The following C3 variants were observed in gnomAD, a reference collection of about 807,000 sequenced individuals.
C3 encodes the protein C3 and PZP-like alpha-2-macroglobulin domain-containing protein 1.
Under a neutral mutation model 207.9 loss-of-function variants are expected in C3, and 97 were observed. The observed-to-expected ratio is 0.47, with a 90% CI of 0.40 to 0.55. The LOEUF is 0.55. C3 is among the 20% of genes least tolerant of loss of function. C3 has a pLI of 0.00. For synonymous variants in C3, 848 were observed against 857.6 expected (o/e 0.99, Z 0.20); for missense variants, 1,684 against 2,171.7 (o/e 0.78, Z 4.46).
intron 27 of C3, among the ~76,000 whole-genome samples, chr19:6,687,328 C>T (rs897018270): frequency 1.2e-4 from 18 of 152,168 alleles, no homozygotes; most frequent in South Asian, 2.1e-4. Flanking sequence ...TTCAGTATAC[C>T]ACTGTGAACA....
chr19:6,706,210 C>T (rs936264645), intron 17 of C3, among the ~76,000 whole-genome samples: 2 of 152,246 alleles, frequency 1.3e-5, no homozygotes, highest in African/African-American at 4.8e-5. Context: ...GTGTGACCAG[C>T]CCCATCATCT....
intron 4 of C3, chr19:6,717,802 T>C (rs1392777133): frequency 3.6e-6 from 2 of 552,716 alleles, no homozygotes; most frequent in Non-Finnish European, 6.6e-6. Flanking sequence ...GTGTTGTGTG[T>C]GTTGTGTGGT....
At position 6,702,773 on chromosome 19, in the gene C3, C is replaced by T. The variant is rs143684696; in HGVS notation, c.2246-194G>A. The T allele has an allele frequency of 4.3e-5, 23 of 536,446 alleles. No individual in the cohort carries two copies. The East Asian group carries it at 8.4e-4, about 20-fold the overall frequency. 33.2% of individuals were successfully genotyped at this position (536,446 alleles called of 1,614,324 possible). A position where few individuals can be genotyped will look rare whatever the true frequency, so the allele number is the denominator to read the frequency against. On this transcript the variant is annotated intron_variant, in intron 17 of 40. Transcript: ENST00000245907. The stretch of plus-strand genomic sequence containing the variant: ...TTAAGGCTGGGCACGGTGGCTCACC[C>T]CTGTAATCCCAGCACTTTGGGAGGC...
intron 27 of C3, among the ~76,000 whole-genome samples, chr19:6,689,877 G>C (rs908778987): frequency 6.6e-6 from 1 of 152,234 alleles, no homozygotes; most frequent in African/African-American, 2.4e-5. Flanking sequence ...AGATGCTCTG[G>C]AGGCTGAAAC....
chr19:6,691,953 C>T (rs1251552274), intron 26 of C3, among the ~76,000 whole-genome samples: 1 of 151,614 alleles, frequency 6.6e-6, no homozygotes, highest in African/African-American at 2.4e-5. Flanking sequence ...GGCCATTGCA[C>T]TCCAGCCTGG....
At position 6,686,752 on chromosome 19, in the gene C3, C is replaced by A. The variant is rs369949940; in HGVS notation, c.3640G>T (p.Ala1214Ser). 3 of 1,613,898 alleles carry A rather than the reference C, an allele frequency of 1.9e-6. No individual in the cohort carries two copies. The highest frequency in any genetic ancestry group is 2.2e-5 in the South Asian group (2 of 91,076). The change falls in exon 28 of 41, where the codon GCC (alanine) becomes TCC (serine). Residue 1214 changes from alanine to serine, a missense_variant. Physicochemically the swap from Ala to Ser is moderately conservative, Grantham distance 99 (BLOSUM62 1). Coordinates refer to ENST00000245907, the MANE Select transcript of C3 (RefSeq NM_000064.4). The part of the protein sequence containing the change: ...GPLLNKFLTT[A>S]KDKNRWEDPG... The stretch of plus-strand genomic sequence containing the variant: ...CCTCCAGGCCAACCCTCACCTTTGG[C>A]TGTGGTCAGAAATTTGTTAAGAAGA...
chr19:6,693,427 C>T lies in C3; in HGVS notation c.3215G>A (p.Arg1072Gln). The T allele has an allele frequency of 1.2e-6, 2 of 1,611,046 alleles. No individual in the cohort carries two copies. Among genetic ancestry groups the T allele is most frequent in the Non-Finnish European group, 1.7e-6 (2 of 1,179,054 alleles). ...TGGGACTCACCAGGTGCTGGGTGCC[C>T]GTTTCACGAAGGCCGCAAAGGCAGA... Reference protein sequence around the residue: ...PSSAFAAFVKRAPSTWLTAYV... With the variant: ...PSSAFAAFVKQAPSTWLTAYV... Residue 1072 changes from arginine (R) to glutamine (Q), a missense_variant, in exon 25 of 41, where the codon CGG becomes CAG. Physicochemically the swap from Arg to Gln is conservative, Grantham distance 43. Transcript: ENST00000245907.
intron 17 of C3, among the ~76,000 whole-genome samples, chr19:6,705,969 C>T (rs959612597): frequency 3.9e-5 from 6 of 152,282 alleles, no homozygotes; most frequent in African/African-American, 1.2e-4. Flanking sequence ...CCACCATGCC[C>T]GGCCAATTTT....
At chr19:6,709,611 T>TGGCCCCCCCCCCCCCCCC in intron 14 of C3, 73 bp downstream of exon 14, 1 of 1,109,444 alleles carries the variant, frequency 9.0e-7, no homozygotes, top group Non-Finnish European at 1.4e-6. Context: ...CCCTCTCCAG[T>TGGCCCCCCCCCCCCCCCC]CCCACCCACC....
intron 1 of C3, 89 bp downstream of exon 1, chr19:6,720,427 A>G: frequency 1.1e-6 from 1 of 920,986 alleles, no homozygotes; most frequent in Non-Finnish European, 1.7e-6. Flanking sequence ...ACCCAAATGC[A>G]CCCTGAATTC....
At chr19:6,713,370 C>T in intron 8 of C3, 37 bp downstream of exon 8, 1 of 1,613,878 alleles carries the variant, frequency 6.2e-7, no homozygotes, top group East Asian at 2.2e-5. Context: ...GTGGCGGGGA[C>T]TGGGGCAGGG....
intron 17 of C3, among the ~76,000 whole-genome samples, chr19:6,704,784 G>C (rs1485017940): frequency 6.6e-6 from 1 of 151,848 alleles, no homozygotes; most frequent in African/African-American, 2.4e-5. Context: ...AATAATCTCA[G>C]CTACTCAGGA....
Position 6,687,035 on chromosome 19 carries a change from T to C in C3, c.3490-133A>G. On this transcript the variant is annotated intron_variant, in intron 27 of 40. Coordinates refer to ENST00000245907, the MANE Select transcript of C3 (RefSeq NM_000064.4). ...CACACCTGTCTTAGATTTGTCCATT[T>C]TTGAGAATTTCCCAGATATTTTAGC... is the stretch of plus-strand genomic sequence containing the variant. The C allele has an allele frequency of 4.2e-6, 4 of 958,514 alleles. No individual in the cohort carries two copies. The South Asian group carries it at 4.2e-5, about 10-fold the overall frequency. 59.4% of individuals were successfully genotyped at this position (958,514 alleles called of 1,614,324 possible).
At chr19:6,720,422 A>G in intron 1 of C3, 94 bp downstream of exon 1, 1 of 897,826 alleles carries the variant, frequency 1.1e-6, no homozygotes, top group East Asian at 2.7e-5. Context: ...CAAACACCCA[A>G]ATGCACCCTG....
intron 9 of C3, 99 bp from the exon 10 acceptor site, chr19:6,712,722 T>G (rs1599524332): frequency 1.0e-6 from 1 of 999,000 alleles, no homozygotes; most frequent in East Asian, 2.4e-5. Flanking sequence ...ACCTCCTCCC[T>G]CAGAGTAGAG....
At chr19:6,689,366 T>C (rs1339573135) in intron 27 of C3, among the ~76,000 whole-genome samples, 10 of 103,542 alleles carry the variant, frequency 9.7e-5, no homozygotes, top group African/African-American at 3.3e-4. Flanking sequence ...CCTCCCTCTC[T>C]CTCTCTCTCT....
intron 19 of C3, among the ~76,000 whole-genome samples, chr19:6,700,019 CAT>C (rs1484854382): frequency 6.8e-6 from 1 of 146,988 alleles, no homozygotes; most frequent in Non-Finnish European, 1.5e-5. Context: ...TAACAAATGA[CAT>C]ATTAGTAGTA....
intron 9 of C3, 138 bp downstream of exon 9, chr19:6,713,051 G>A: frequency 9.7e-7 from 1 of 1,027,360 alleles, no homozygotes; most frequent in South Asian, 1.3e-5. Context: ...CTCTCAGACT[G>A]GGCCTACCCC....
At chr19:6,711,486 T>A (rs1227504523) in intron 11 of C3, among the ~76,000 whole-genome samples, 1 of 152,114 alleles carries the variant, frequency 6.6e-6, no homozygotes, top group South Asian at 2.1e-4. Context: ...GAAGGGGCCA[T>A]GAGCCAGGCC....
Sources: allele counts gnomAD v4.1 joint callset (sites outside exome capture counted in the v4.1 genomes callset), GRCh38; gene constraint gnomAD v4.1.1; transcripts MANE v1.5; gene names NCBI Gene and HGNC (gene_info 2026-07-23, HGNC 2026-07-21).